DACH1: variants seen among roughly 807,000 people sequenced by gnomAD.
DACH1 encodes dachshund homolog 1.
Under a neutral mutation model 54.2 loss-of-function variants are expected in DACH1, and 12 were observed. The observed-to-expected ratio is 0.22, with a 90% CI of 0.14 to 0.36. The LOEUF is 0.36. DACH1 is among the 10% of genes least tolerant of loss of function. The pLI is 1.00. For synonymous variants in DACH1, 386 were observed against 366.2 expected (o/e 1.05, Z -0.62); for missense variants, 805 against 929.8 (o/e 0.87, Z 1.75).
In DACH1 at chr13:71,735,300, CGGG is replaced by C. The variant is rs1884003903; in HGVS notation, c.849-53393_849-53391del. Among the ~76,000 whole-genome samples, 25 of 39,260 alleles carry C rather than the reference CGGG, an allele frequency of 6.4e-4. 4 individuals are homozygous for C. The highest frequency in any genetic ancestry group is 1.4e-3 in the African/African-American group (24 of 17,200). The allele number at this position is 39,260 out of a possible 152,430, so 25.8% of individuals were successfully genotyped here. ...TATGTATATGGGATATACACGTATA[CGGG>C]ATATACGTGTATATGGGATATACAC... On this transcript the variant is annotated intron_variant, in intron 1 of 10. Coordinates refer to ENST00000613252, the MANE Select transcript of DACH1 (RefSeq NM_080759.6).
chr13:71,509,474 G>A (rs1434838202), intron 6 of DACH1, among the ~76,000 whole-genome samples: 1 of 152,064 alleles, frequency 6.6e-6, no homozygotes, highest in Non-Finnish European at 1.5e-5. Context: ...CAAATAATAT[G>A]TCTAAGTACA....
rs79571622 is a variant in DACH1 at position 71,820,285 on chromosome 13, T to C, written c.848+45637A>G. ...AAGGAAGTCCAGCCCCTTATCTTAG[T>C]ATCACCATACCATTATCCTAGTATC... On this transcript the variant is annotated intron_variant, in intron 1 of 10. Coordinates refer to ENST00000613252, the MANE Select transcript of DACH1 (RefSeq NM_080759.6). 1.6e-3 allele frequency among the ~76,000 whole-genome samples: 236 copies of C among 152,160 alleles called. 1 individual carries two copies. The highest frequency in any genetic ancestry group is 5.3e-3 in the African/African-American group (219 of 41,510).
chr13:71,763,332 C>G (rs999670751), intron 1 of DACH1, among the ~76,000 whole-genome samples: 43 of 152,252 alleles, frequency 2.8e-4, no homozygotes, highest in African/African-American at 1.0e-3. Context: ...TGCTGTTGAA[C>G]AGTTTGCTAC....
chr13:71,783,457 G>C (rs1424143931), intron 1 of DACH1, among the ~76,000 whole-genome samples: 1 of 152,050 alleles, frequency 6.6e-6, no homozygotes, highest in African/African-American at 2.4e-5. Flanking sequence ...ACAGGCAGAG[G>C]TTCCAAAAAT....
chr13:71,572,659 C>A (rs1182683364), intron 4 of DACH1, among the ~76,000 whole-genome samples, 181 bp downstream of exon 4: 1 of 152,066 alleles, frequency 6.6e-6, no homozygotes, highest in East Asian at 1.9e-4. Context: ...TTTAAAGCAA[C>A]CCTAGCCTGC....
intron 1 of DACH1, among the ~76,000 whole-genome samples, chr13:71,859,731 G>T (rs1295534296): frequency 6.6e-6 from 1 of 151,676 alleles, no homozygotes; most frequent in Non-Finnish European, 1.5e-5. Context: ...CTTATCCTTG[G>T]TATTCTTGTT....
chr13:71,704,584 G>A (rs936019228), intron 1 of DACH1: 20 of 476,260 alleles, frequency 4.2e-5, no homozygotes, highest in Admixed American at 1.8e-4. Context: ...ACCCAGAGAA[G>A]CACACTTTAT....
At chr13:71,699,833 A>G (rs1380230607) in intron 1 of DACH1, among the ~76,000 whole-genome samples, 1 of 152,220 alleles carries the variant, frequency 6.6e-6, no homozygotes, top group African/African-American at 2.4e-5. Context: ...CAGCTTTTCC[A>G]ACTATATTTT....
At chr13:71,565,582 A>G in intron 4 of DACH1, among the ~76,000 whole-genome samples, 1 of 152,108 alleles carries the variant, frequency 6.6e-6, no homozygotes, top group East Asian at 1.9e-4. Flanking sequence ...AGAGACAGTC[A>G]ATGATGTTAG....
At chr13:71,564,292 C>T (rs1196001821) in intron 4 of DACH1, among the ~76,000 whole-genome samples, 3 of 151,952 alleles carry the variant, frequency 2.0e-5, no homozygotes, top group African/African-American at 4.8e-5. Context: ...TACCCTTTAA[C>T]GTCCAATAAG....
intron 1 of DACH1, among the ~76,000 whole-genome samples, chr13:71,728,293 T>A (rs574556166): frequency 6.6e-6 from 1 of 152,160 alleles, no homozygotes; most frequent in East Asian, 1.9e-4. Flanking sequence ...ACTATGATCA[T>A]ATCTCTTTGG....
At chr13:71,475,254 C>A (rs1247603558) in intron 9 of DACH1, 45 bp from the exon 10 acceptor site, 1 of 1,474,032 alleles carries the variant, frequency 6.8e-7, no homozygotes, top group Non-Finnish European at 9.4e-7. Context: ...TCATTTGATT[C>A]CTATTGTCCT....
chr13:71,692,506 C>CTTTTTTT lies in DACH1; in HGVS notation c.849-10603_849-10597dup, dbSNP rs398023338. 3.6e-4 allele frequency among the ~76,000 whole-genome samples: 16 copies of CTTTTTTT among 44,438 alleles called. 3 individuals are homozygous for CTTTTTTT. Among genetic ancestry groups the CTTTTTTT allele is most frequent in the African/African-American group, 1.3e-3 (11 of 8,332 alleles). 29.2% of individuals were successfully genotyped at this position (44,438 alleles called of 152,430 possible). A position where few individuals can be genotyped will look rare whatever the true frequency, so the allele number is the denominator to read the frequency against. On this transcript the variant is annotated intron_variant, in intron 1 of 10. Coordinates refer to ENST00000613252, the MANE Select transcript of DACH1 (RefSeq NM_080759.6). ...CCTTTCTTTTTCTTTCTTTTCTTTC[C>CTTTTTTT]TTTTTTTTTTTTTTTTTTTTTTTTT...
At chr13:71,791,947 G>A (rs1307836701) in intron 1 of DACH1, among the ~76,000 whole-genome samples, 1 of 152,124 alleles carries the variant, frequency 6.6e-6, no homozygotes, top group Non-Finnish European at 1.5e-5. Flanking sequence ...AGCCACCTCA[G>A]CAACCCACGG....
chr13:71,519,933 G>A (rs1427645539), intron 6 of DACH1, among the ~76,000 whole-genome samples: 1 of 68,620 alleles, frequency 1.5e-5, no homozygotes, highest in African/African-American at 4.2e-5. Flanking sequence ...CACATATATT[G>A]TGCAGGCTTA....
chr13:71,609,952 G>T (rs1448841296), intron 3 of DACH1, among the ~76,000 whole-genome samples: 1 of 151,980 alleles, frequency 6.6e-6, no homozygotes, highest in African/African-American at 2.4e-5. Flanking sequence ...ACCCTCAAAG[G>T]ACATCATATA....
At chr13:71,706,438 G>A (rs1174451269) in intron 1 of DACH1, among the ~76,000 whole-genome samples, 1 of 151,888 alleles carries the variant, frequency 6.6e-6, no homozygotes, top group Non-Finnish European at 1.5e-5. Context: ...ATTCAGATTT[G>A]AAATAATCAA....
chr13:71,694,345 C>A (rs1046709439), intron 1 of DACH1, among the ~76,000 whole-genome samples: 2 of 152,016 alleles, frequency 1.3e-5, no homozygotes, highest in Non-Finnish European at 2.9e-5. Context: ...TTTGATGCCC[C>A]CGTGAGGATT....
intron 2 of DACH1, among the ~76,000 whole-genome samples, chr13:71,638,800 T>C (rs1877688188): frequency 6.6e-6 from 1 of 152,162 alleles, no homozygotes; most frequent in African/African-American, 2.4e-5. Context: ...CATTTAAACC[T>C]TTCAGCTATT....
Sources: gnomAD v4.1 joint callset for allele counts (sites outside exome capture counted in the v4.1 genomes callset) on GRCh38, gnomAD v4.1.1 for gene constraint, MANE v1.5 for transcripts, NCBI Gene and HGNC (gene_info 2026-07-23, HGNC 2026-07-21) for gene names.